SLIT3: variants seen among roughly 807,000 people sequenced by gnomAD.
SLIT3 encodes the protein slit guidance ligand 3, also known as slit homolog 3 protein.
SLIT3 carries 68 observed loss-of-function variants against 184.0 expected under a neutral mutation model. The observed-to-expected ratio is 0.37, with a 90% CI of 0.30 to 0.45. The LOEUF is 0.45. SLIT3 is among the 20% of genes least tolerant of loss of function. The probability of loss-of-function intolerance (pLI) is 1.00; values close to 1 mark genes in which losing one functional copy is unlikely to be tolerated. For synonymous variants in SLIT3, 831 were observed against 828.6 expected, an observed-to-expected ratio of 1.00 and a Z score of -0.05; for missense variants, 1,707 against 2,026.0, an observed-to-expected ratio of 0.84 and a Z score of 3.02.
intron 4 of SLIT3, among the ~76,000 whole-genome samples, chr5:169,142,637 T>C (rs547560646): frequency 7.9e-5 from 12 of 152,314 alleles, no homozygotes; most frequent in Non-Finnish European, 1.0e-4. Context: ...ACAGAACCCA[T>C]AGGGTGAGCC....
intron 4 of SLIT3, among the ~76,000 whole-genome samples, chr5:169,046,103 C>G (rs1342101724): frequency 6.6e-6 from 1 of 152,090 alleles, no homozygotes; most frequent in Non-Finnish European, 1.5e-5. Flanking sequence ...AAGTAGGAGA[C>G]AGTGTATGGA....
chr5:169,098,310 T>C (rs1016846265), intron 4 of SLIT3, among the ~76,000 whole-genome samples: 6 of 152,192 alleles, frequency 3.9e-5, no homozygotes, highest in African/African-American at 1.4e-4. Flanking sequence ...CACACGTGTG[T>C]GTATACACAC....
chr5:169,063,535 T>C (rs888035620), intron 4 of SLIT3, among the ~76,000 whole-genome samples: 3 of 152,198 alleles, frequency 2.0e-5, no homozygotes, highest in African/African-American at 7.2e-5. Context: ...ACCCCTCTGG[T>C]CTTTACACCC....
intron 27 of SLIT3, among the ~76,000 whole-genome samples, chr5:168,696,836 A>T (rs1384022828): frequency 6.6e-6 from 1 of 152,168 alleles, no homozygotes; most frequent in Non-Finnish European, 1.5e-5. Context: ...ATAAAGAGAG[A>T]CAGCATAGTA....
intron 4 of SLIT3, among the ~76,000 whole-genome samples, chr5:168,946,686 C>T (rs1245945640): frequency 6.6e-6 from 1 of 152,178 alleles, no homozygotes; most frequent in Non-Finnish European, 1.5e-5. Flanking sequence ...GGTCCACAAT[C>T]CCCTCTGCGG....
At chr5:168,948,416 C>A (rs2113230869) in intron 4 of SLIT3, among the ~76,000 whole-genome samples, 1 of 152,236 alleles carries the variant, frequency 6.6e-6, no homozygotes, top group Middle Eastern at 3.4e-3. Context: ...GAGAACAGAG[C>A]CGGAGCCTGA....
At chr5:168,874,440 G>A (rs1008659473) in intron 5 of SLIT3, among the ~76,000 whole-genome samples, 4 of 152,246 alleles carry the variant, frequency 2.6e-5, no homozygotes, top group Middle Eastern at 3.4e-3. Context: ...TTACATACTA[G>A]GCATAGGACT....
intron 4 of SLIT3, among the ~76,000 whole-genome samples, chr5:169,010,821 T>C (rs778665522): frequency 6.7e-6 from 1 of 150,326 alleles, no homozygotes; most frequent in Non-Finnish European, 1.5e-5. Context: ...GAGAATTGCT[T>C]GAACCCAGGA....
intron 32 of SLIT3, among the ~76,000 whole-genome samples, chr5:168,679,908 A>G (rs1268012509): frequency 2.0e-5 from 3 of 152,228 alleles, no homozygotes; most frequent in Non-Finnish European, 2.9e-5. Context: ...CAATGAGACA[A>G]AGACCTTGGC....
At chr5:168,677,308 G>T (rs1761446036) in intron 32 of SLIT3, among the ~76,000 whole-genome samples, 1 of 152,142 alleles carries the variant, frequency 6.6e-6, no homozygotes, top group Non-Finnish European at 1.5e-5. Context: ...CAGGGGTCTT[G>T]CTCTGTTGCC....
intron 1 of SLIT3, among the ~76,000 whole-genome samples, chr5:169,286,643 T>C: frequency 6.6e-6 from 1 of 152,146 alleles, no homozygotes; most frequent in East Asian, 1.9e-4. Context: ...GGTCGCCAAA[T>C]TCCCAGGCAA....
chr5:168,761,289 G>C (rs1341117356), intron 15 of SLIT3, among the ~76,000 whole-genome samples: 1 of 152,130 alleles, frequency 6.6e-6, no homozygotes, highest in East Asian at 1.9e-4. Flanking sequence ...GGTTTCTCCA[G>C]GGTCTCCCAA....
At chr5:169,010,084 TG>T (rs943310194) in intron 4 of SLIT3, among the ~76,000 whole-genome samples, 9 of 152,064 alleles carry the variant, frequency 5.9e-5, no homozygotes, top group African/African-American at 2.2e-4. Context: ...CGAGGGTTTG[TG>T]GGAAAAAGCA....
At chr5:168,899,270 T>C (rs1323419147) in intron 4 of SLIT3, among the ~76,000 whole-genome samples, 1 of 152,116 alleles carries the variant, frequency 6.6e-6, no homozygotes, top group South Asian at 2.1e-4. Flanking sequence ...AATCTCAGCA[T>C]TCTGGGGGGC....
chr5:169,014,265 C>T (rs932426833), intron 4 of SLIT3, among the ~76,000 whole-genome samples: 10 of 152,118 alleles, frequency 6.6e-5, no homozygotes, highest in African/African-American at 2.4e-4. Flanking sequence ...TGCCTTTATA[C>T]ATTATACATG....
At chr5:168,863,021 G>A (rs1226461771) in intron 5 of SLIT3, among the ~76,000 whole-genome samples, 1 of 152,164 alleles carries the variant, frequency 6.6e-6, no homozygotes, top group Non-Finnish European at 1.5e-5. Flanking sequence ...AGATAACAAT[G>A]TGGGCTGGGG....
intron 8 of SLIT3, among the ~76,000 whole-genome samples, chr5:168,813,744 G>A (rs933505633): frequency 6.6e-6 from 1 of 152,170 alleles, no homozygotes; most frequent in Non-Finnish European, 1.5e-5. Context: ...AAGAAGCTGG[G>A]CTCCAGACAG....
rs572588901 is a variant in SLIT3 at position 169,293,400 on chromosome 5, G to T, written c.197+7113C>A. On this transcript the variant is annotated intron_variant, in intron 1 of 35. Transcript: ENST00000519560. ...TCATGCTGATGGAAGACCAACCTTC[G>T]TGTGGTTGGAACTTGGACAAATGGA... 2.2e-3 allele frequency among the ~76,000 whole-genome samples: 331 copies of T among 152,018 alleles called. 1 individual carries two copies. The highest frequency in any genetic ancestry group is 7.7e-3 in the African/African-American group (320 of 41,482).
intron 4 of SLIT3, among the ~76,000 whole-genome samples, chr5:169,184,335 G>C (rs962703824): frequency 1.1e-4 from 16 of 152,190 alleles, no homozygotes; most frequent in Admixed American, 3.3e-4. Context: ...GGGTGAGAAA[G>C]TCAGAGAGAC....
Sources: gnomAD v4.1 joint callset for allele counts (sites outside exome capture counted in the v4.1 genomes callset) on GRCh38, gnomAD v4.1.1 for gene constraint, MANE v1.5 for transcripts, NCBI Gene and HGNC (gene_info 2026-07-23, HGNC 2026-07-21) for gene names.